CTNNA3: variants seen among roughly 807,000 people sequenced by gnomAD.
CTNNA3 encodes catenin alpha-3.
A neutral mutation model predicts 95.7 loss-of-function variants in CTNNA3; 76 were observed. That is an observed-to-expected ratio of 0.79 (90% CI 0.66 to 0.96). The LOEUF is 0.96. Among genes scored for constraint, CTNNA3 ranks in the 40% least tolerant of loss-of-function variants. The pLI is 0.00. For synonymous variants in CTNNA3, 431 were observed against 374.4 expected (o/e 1.15, Z -1.74); for missense variants, 1,191 against 1,089.8 (o/e 1.09, Z -1.31).
intron 14 of CTNNA3, among the ~76,000 whole-genome samples, chr10:66,089,597 C>T (rs549741077): frequency 2.0e-5 from 3 of 151,966 alleles, no homozygotes; most frequent in South Asian, 2.1e-4. Context: ...TTTGAAGTTA[C>T]TGTTCTTTAT....
At chr10:66,996,003 C>A (rs10822954) in intron 7 of CTNNA3, among the ~76,000 whole-genome samples, 35,403 of 152,058 alleles carry the variant, frequency 0.23, 5,228 homozygotes, top group East Asian at 0.39. Flanking sequence ...TTATATCCTA[C>A]ACAATCACTT....
intron 9 of CTNNA3, among the ~76,000 whole-genome samples, chr10:66,626,487 T>C (rs1844940602): frequency 1.3e-5 from 2 of 152,168 alleles, no homozygotes; most frequent in Non-Finnish European, 2.9e-5. Flanking sequence ...AACTCTTGTG[T>C]AAATACTTCC....
At chr10:66,440,743 G>A (rs771401178) in intron 11 of CTNNA3, among the ~76,000 whole-genome samples, 24 of 151,298 alleles carry the variant, frequency 1.6e-4, no homozygotes, top group African/African-American at 4.4e-4. Context: ...CTAGCTCTAC[G>A]ACATGAAATG....
At chr10:67,183,305 G>A (rs1386647733) in intron 6 of CTNNA3, among the ~76,000 whole-genome samples, 8 of 152,072 alleles carry the variant, frequency 5.3e-5, no homozygotes, top group Non-Finnish European at 8.8e-5. Context: ...TCCAACAATT[G>A]TAGACTGGAT....
At chr10:67,278,429 G>A (rs1385775139) in intron 5 of CTNNA3, among the ~76,000 whole-genome samples, 2 of 152,124 alleles carry the variant, frequency 1.3e-5, no homozygotes, top group Admixed American at 6.5e-5. Flanking sequence ...TCAGAAAGGC[G>A]GGACAACTCA....
At chr10:66,707,063 G>T (rs1284635519) in intron 9 of CTNNA3, among the ~76,000 whole-genome samples, 1 of 152,004 alleles carries the variant, frequency 6.6e-6, no homozygotes, top group African/African-American at 2.4e-5. Flanking sequence ...GTTTAAAATA[G>T]TAAGAATACT....
At chr10:66,512,177 A>AT (rs1840686416) in intron 11 of CTNNA3, among the ~76,000 whole-genome samples, 1 of 151,784 alleles carries the variant, frequency 6.6e-6, no homozygotes, top group Admixed American at 6.6e-5. Context: ...ATTTTGTCTG[A>AT]TATAAGTTTG....
chr10:66,579,301 A>T (rs950066755), intron 10 of CTNNA3, among the ~76,000 whole-genome samples: 3 of 151,852 alleles, frequency 2.0e-5, no homozygotes, highest in Admixed American at 1.3e-4. Flanking sequence ...GCTCAGTTGC[A>T]TTACAAAAGA....
intron 1 of CTNNA3, among the ~76,000 whole-genome samples, chr10:67,762,847 G>C (rs1841469628): frequency 6.6e-6 from 1 of 152,118 alleles, no homozygotes; most frequent in South Asian, 2.1e-4. Context: ...ATCCTATTCT[G>C]TTCCATTCTA....
chr10:67,562,401 T>G (rs1217686172), intron 3 of CTNNA3, among the ~76,000 whole-genome samples: 1 of 152,106 alleles, frequency 6.6e-6, no homozygotes, highest in African/African-American at 2.4e-5. Context: ...ATGATTATCT[T>G]AATAGATGCA....
At chr10:67,368,890 T>C (rs1005175986) in intron 5 of CTNNA3, among the ~76,000 whole-genome samples, 3 of 152,192 alleles carry the variant, frequency 2.0e-5, no homozygotes, top group East Asian at 1.9e-4. Context: ...AAGGGAAACA[T>C]TGCAGACGGG....
intron 5 of CTNNA3, among the ~76,000 whole-genome samples, chr10:67,467,533 A>C (rs56784271): frequency 1.3e-5 from 2 of 152,012 alleles, no homozygotes; most frequent in Non-Finnish European, 2.9e-5. Context: ...TACACCTAAA[A>C]TGATAAACAT....
At chr10:66,420,842 A>T (rs982055206) in intron 11 of CTNNA3, among the ~76,000 whole-genome samples, 16 of 108,018 alleles carry the variant, frequency 1.5e-4, no homozygotes, top group Admixed American at 2.5e-4. Flanking sequence ...AATAAATAAA[A>T]AACAATATGG....
intron 13 of CTNNA3, among the ~76,000 whole-genome samples, chr10:66,125,767 T>A (rs1484622967): frequency 6.6e-6 from 1 of 152,166 alleles, no homozygotes; most frequent in Non-Finnish European, 1.5e-5. Context: ...ACAGACTATA[T>A]GATCCCAATT....
At chr10:66,869,727 C>A (rs983207003) in intron 7 of CTNNA3, among the ~76,000 whole-genome samples, 1 of 152,044 alleles carries the variant, frequency 6.6e-6, no homozygotes, top group Non-Finnish European at 1.5e-5. Flanking sequence ...GATTAGAGAA[C>A]AAGTACATAC....
intron 9 of CTNNA3, among the ~76,000 whole-genome samples, chr10:66,626,855 T>C (rs1430235483): frequency 6.6e-6 from 1 of 152,030 alleles, no homozygotes; most frequent in African/African-American, 2.4e-5. Context: ...GTAAGGACTG[T>C]ATAATTAGAT....
intron 16 of CTNNA3, among the ~76,000 whole-genome samples, chr10:65,975,913 A>G (rs1298015285): frequency 1.3e-5 from 2 of 152,152 alleles, no homozygotes; most frequent in Non-Finnish European, 2.9e-5. Flanking sequence ...TATGGACACA[A>G]TGATAATACC....
Position 65,958,393 on chromosome 10 carries a change from C to T in CTNNA3, c.2400+8219G>A, listed in dbSNP as rs989231349. Among the ~76,000 whole-genome samples, 11 of 152,302 alleles carry T rather than the reference C, an allele frequency of 7.2e-5. No homozygotes were observed. In the South Asian group the frequency reaches 1.7e-3, roughly 23 times the overall value. ...CATCTGAAGCCTTCTTCTCTCAACT[C>T]GTCAAAGTCATTCCCCGTCCAGCTT... On this transcript the variant is annotated intron_variant, in intron 17 of 17. Coordinates refer to ENST00000433211, the MANE Select transcript of CTNNA3 (RefSeq NM_013266.4).
intron 5 of CTNNA3, among the ~76,000 whole-genome samples, chr10:67,458,913 G>A (rs573515358): frequency 5.3e-5 from 8 of 152,078 alleles, no homozygotes; most frequent in Non-Finnish European, 7.4e-5. Context: ...CCCCAAGAAC[G>A]TGGATTATTT....
Sources: allele counts gnomAD v4.1 joint callset (sites outside exome capture counted in the v4.1 genomes callset), GRCh38; gene constraint gnomAD v4.1.1; transcripts MANE v1.5; gene names NCBI Gene and HGNC (gene_info 2026-07-23, HGNC 2026-07-21).